Variants in NLRP12 observed in about 807,000 individuals in gnomAD.
NLRP12 encodes the protein NLR family pyrin domain containing 12.
In NLRP12, 108 loss-of-function variants were observed where a neutral mutation model predicts 91.2. The ratio of observed to expected loss-of-function variants is 1.18; its 90% CI spans 1.01 to 1.39. NLRP12 has a LOEUF of 1.39. NLRP12 is among the 40% of genes most tolerant of loss of function. The probability of loss-of-function intolerance (pLI) is 0.00; values close to 1 mark genes in which losing one functional copy is unlikely to be tolerated. For missense variants in NLRP12, 1,530 were observed against 1,352.7 expected, an observed-to-expected ratio of 1.13 and a Z score of -2.06; for synonymous variants, 613 against 566.7, an observed-to-expected ratio of 1.08 and a Z score of -1.16.
rs910232490 is a variant in NLRP12 at position 53,810,805 on chromosome 19, A to G, written c.854T>C (p.Val285Ala). The G allele has an allele frequency of 2.5e-6, 4 of 1,613,904 alleles. No individual in the cohort carries two copies. Among genetic ancestry groups the G allele is most frequent in the Non-Finnish European group, 2.5e-6 (3 of 1,180,030 alleles). Reference protein sequence around the residue: ...PSAPLQELIRVPERLLFIIDG... With the variant: ...PSAPLQELIRAPERLLFIIDG... ...GATGATGAAAAGGAGGCGCTCGGGA[A>G]CTCGGATGAGCTCCTGGAGAGGCGC... Residue 285 changes from valine to alanine, a missense_variant, in exon 3 of 10, where the codon GTT becomes GCT. By Grantham distance (64) the Val-to-Ala change is moderately conservative (BLOSUM62 0). Coordinates refer to ENST00000324134, the MANE Select transcript of NLRP12 (RefSeq NM_144687.4).
At chr19:53,804,854 C>A (rs1230935804) in intron 5 of NLRP12, among the ~76,000 whole-genome samples, 1 of 151,768 alleles carries the variant, frequency 6.6e-6, no homozygotes, top group Non-Finnish European at 1.5e-5. Flanking sequence ...GTGAGGAAAC[C>A]CCATCTCTAC....
intron 9 of NLRP12, among the ~76,000 whole-genome samples, chr19:53,795,187 G>T (rs925286483): frequency 6.6e-6 from 1 of 151,506 alleles, no homozygotes; most frequent in Non-Finnish European, 1.5e-5. Context: ...GGGATTACAG[G>T]CGCCATCCCC....
In NLRP12 at chr19:53,824,281, C is replaced by T. The variant is rs186351375; in HGVS notation, c.-107G>A. The T allele has an allele frequency of 4.2e-4, 500 of 1,200,684 alleles. 1 individual carries two copies. Among genetic ancestry groups the T allele is most frequent in the Non-Finnish European group, 5.3e-4 (441 of 831,482 alleles). 74.4% of individuals were successfully genotyped at this position (1,200,684 alleles called of 1,614,324 possible). On this transcript the variant is annotated 5_prime_UTR_variant, in exon 1 of 10. Transcript: ENST00000324134. ...CTTCCATTGCATCATTCACAGGCAG[C>T]GGGCGGAGAGGCTGAGCCAGTGGTT... is the stretch of plus-strand genomic sequence containing the variant.
chr19:53,821,180 C>T (rs890393623), intron 1 of NLRP12, among the ~76,000 whole-genome samples: 12 of 151,434 alleles, frequency 7.9e-5, no homozygotes, highest in Admixed American at 5.3e-4. Flanking sequence ...GGATTACTGG[C>T]GCCCGCCACC....
At chr19:53,803,724 C>T in intron 6 of NLRP12, 1 of 510,176 alleles carries the variant, frequency 2.0e-6, no homozygotes, top group Non-Finnish European at 3.7e-6. Flanking sequence ...CAGGCGTGTG[C>T]CACCACATCC....
intron 2 of NLRP12, among the ~76,000 whole-genome samples, chr19:53,812,874 AAT>A (rs1486824138): frequency 7.0e-6 from 1 of 142,094 alleles, no homozygotes; most frequent in Non-Finnish European, 1.5e-5. Flanking sequence ...TGCAATCATC[AAT>A]ATCTCTTTTT....
intron 6 of NLRP12, among the ~76,000 whole-genome samples, chr19:53,802,266 G>C (rs921279137): frequency 2.0e-5 from 3 of 151,834 alleles, no homozygotes; most frequent in African/African-American, 7.3e-5. Context: ...TGAGCAAAAG[G>C]CTTGAATACA....
rs35326804 is a variant in NLRP12, at chr19:53,801,094, C to CA, written c.2756+132dup. ...TGTAATCTCAGCTACTTGGGAGTCT[C>CA]AAAAAAAAAAAAAAAAGGCTGATGT... On this transcript the variant is annotated intron_variant, in intron 7 of 9. Transcript: ENST00000324134. The CA allele has an allele frequency of 0.16, 104,674 of 642,228 alleles. 1,698 individuals carry two copies. Among genetic ancestry groups the CA allele is most frequent in the South Asian group, 0.19 (10,726 of 56,352 alleles). 39.8% of individuals were successfully genotyped at this position (642,228 alleles called of 1,614,324 possible).
chr19:53,806,366 C>T (rs1410048433), intron 4 of NLRP12, among the ~76,000 whole-genome samples: 2 of 151,478 alleles, frequency 1.3e-5, no homozygotes, highest in Non-Finnish European at 2.9e-5. Flanking sequence ...TGGTGAAACC[C>T]CATCTCTCCA....
chr19:53,813,299 C>CTTTTTTTTTTT (rs1160039078), intron 2 of NLRP12, among the ~76,000 whole-genome samples: 15 of 86,036 alleles, frequency 1.7e-4, no homozygotes, highest in Admixed American at 4.3e-4. Flanking sequence ...TTTTTCTTTT[C>CTTTTTTTTTTT]TTTTTTTTTT....
In NLRP12 at chr19:53,810,722, A is replaced by C. The variant is rs765465986; in HGVS notation, c.937T>G (p.Cys313Gly). 2.5e-6 allele frequency: 4 copies of C among 1,614,072 alleles called. No individual in the cohort carries two copies. The East Asian group carries it at 8.9e-5, about 36-fold the overall frequency. ...FHDPQGPWCLCWEEKRPTELL... is the reference protein window; with the variant it reads ...FHDPQGPWCLGWEEKRPTELL... ...TCCGTGGGCCGTTTCTCCTCCCAGC[A>C]GAGGCACCAGGGTCCCTGAGGATCG... The change falls in exon 3 of 10, where the codon TGC (cysteine) becomes GGC (glycine). Residue 313 changes from cysteine to glycine, a missense_variant. By Grantham distance (159) the Cys-to-Gly change is radical. Coordinates refer to ENST00000324134, the MANE Select transcript of NLRP12 (RefSeq NM_144687.4).
chr19:53,822,791 G>A (rs1158968852), intron 1 of NLRP12, among the ~76,000 whole-genome samples: 3 of 149,556 alleles, frequency 2.0e-5, no homozygotes, highest in Non-Finnish European at 4.4e-5. Flanking sequence ...TTTTTGAGAT[G>A]GGGTTTCACT....
At chr19:53,820,778 C>T (rs2092254276) in intron 1 of NLRP12, among the ~76,000 whole-genome samples, 1 of 149,912 alleles carries the variant, frequency 6.7e-6, no homozygotes, top group Non-Finnish European at 1.5e-5. Flanking sequence ...AGCTCTGCCT[C>T]CCAGGTTCAC....
At chr19:53,812,580 G>A (rs2092093446) in intron 2 of NLRP12, among the ~76,000 whole-genome samples, 1 of 152,004 alleles carries the variant, frequency 6.6e-6, no homozygotes, top group South Asian at 2.1e-4. Context: ...AACATCCCAG[G>A]AACCACAGGA....
In NLRP12 at chr19:53,809,777, G is replaced by C; in HGVS notation, c.1882C>G (p.Gln628Glu). ...ATCACCTGGAAGTGGCTCAGGGCCT[G>C]CTGGATAAACTCCTCCTCCTGGATC... Reference protein sequence around the residue: ...YEIQEEEFIQQALSHFQVIVV... With the variant: ...YEIQEEEFIQEALSHFQVIVV... The change falls in exon 3 of 10, where the codon CAG (glutamine) becomes GAG (glutamate). Residue 628 changes from glutamine to glutamate, a missense_variant. Coordinates refer to ENST00000324134, the MANE Select transcript of NLRP12 (RefSeq NM_144687.4). 6.2e-7 allele frequency: 1 copy of C among 1,614,160 alleles called. No individual in the cohort carries two copies. The highest frequency in any genetic ancestry group is 8.5e-7 in the Non-Finnish European group (1 of 1,180,038).
chr19:53,797,751 T>C (rs1321737623), intron 8 of NLRP12, among the ~76,000 whole-genome samples: 17 of 149,650 alleles, frequency 1.1e-4, no homozygotes, highest in Middle Eastern at 3.6e-3. Context: ...ATTTTTTTTT[T>C]TTTTGAGACA....
chr19:53,824,244 A>T lies in NLRP12; in HGVS notation c.-70T>A. The T allele has an allele frequency of 6.8e-7, 1 of 1,460,168 alleles. No homozygotes were observed. Among genetic ancestry groups the T allele is most frequent in the East Asian group, 2.3e-5 (1 of 43,628 alleles). 90.5% of individuals were successfully genotyped at this position (1,460,168 alleles called of 1,614,324 possible). A position where few individuals can be genotyped will look rare whatever the true frequency, so the allele number is the denominator to read the frequency against. On this transcript the variant is annotated 5_prime_UTR_variant, in exon 1 of 10. Coordinates refer to ENST00000324134, the MANE Select transcript of NLRP12 (RefSeq NM_144687.4). Reference sequence around the variant, plus strand: ...GCTCCTATGCACGGGACACAGGGCGACCCCAGCACACCTTCCATTGCATCA... The same window carrying T: ...GCTCCTATGCACGGGACACAGGGCGTCCCCAGCACACCTTCCATTGCATCA...
At chr19:53,818,410 G>A (rs940033798) in intron 1 of NLRP12, among the ~76,000 whole-genome samples, 7 of 151,976 alleles carry the variant, frequency 4.6e-5, no homozygotes, top group African/African-American at 1.7e-4. Context: ...GCTCACGCCT[G>A]TAATCCCAAC....
chr19:53,814,850 C>G, intron 2 of NLRP12, 58 bp downstream of exon 2: 1 of 1,434,890 alleles, frequency 7.0e-7, no homozygotes, highest in South Asian at 1.1e-5. Flanking sequence ...GCCTACACTC[C>G]GTGGGGTCAG....
Sources: gnomAD v4.1 joint callset for allele counts (sites outside exome capture counted in the v4.1 genomes callset) on GRCh38, gnomAD v4.1.1 for gene constraint, MANE v1.5 for transcripts, NCBI Gene and HGNC (gene_info 2026-07-23, HGNC 2026-07-21) for gene names.